TBXAS1: variants seen among roughly 807,000 people sequenced by gnomAD.
The protein encoded by TBXAS1 is thromboxane A synthase 1, also known as thromboxane-A synthase.
Under a neutral mutation model 60.7 loss-of-function variants are expected in TBXAS1, and 48 were observed. The observed-to-expected ratio is 0.79, with a 90% CI of 0.63 to 1.01. TBXAS1 has a LOEUF of 1.01. Among genes scored for constraint, TBXAS1 ranks in the 50% least tolerant of loss-of-function variants. The pLI is 0.00. For missense variants in TBXAS1, 685 were observed against 686.3 expected (o/e 1.00, Z 0.02); for synonymous variants, 287 against 269.7 (o/e 1.06, Z -0.63).
intron 11 of TBXAS1, chr7:140,016,483 C>A: frequency 3.8e-6 from 1 of 260,676 alleles, no homozygotes; most frequent in Non-Finnish European, 7.5e-6. Context: ...TCATTCAAGC[C>A]AGGACATGGG....
intron 9 of TBXAS1, among the ~76,000 whole-genome samples, chr7:139,969,736 CCA>C (rs1811056991): frequency 6.6e-6 from 1 of 152,092 alleles, no homozygotes. Context: ...GTCGGGCTAC[CCA>C]CAGTTGGTGA....
chr7:139,936,983 G>A (rs1391003446), intron 5 of TBXAS1, among the ~76,000 whole-genome samples: 1 of 152,114 alleles, frequency 6.6e-6, no homozygotes, highest in African/African-American at 2.4e-5. Context: ...TTTCCCTACT[G>A]AGTGACTCAC....
At chr7:139,781,720 A>T (rs988076821) in intron 2 of TBXAS1, among the ~76,000 whole-genome samples, 3 of 151,534 alleles carry the variant, frequency 2.0e-5, no homozygotes, top group African/African-American at 7.3e-5. Context: ...CTGTAATCCC[A>T]GCTACTTGGG....
chr7:139,998,989 T>G (rs939860483), intron 9 of TBXAS1, among the ~76,000 whole-genome samples: 9 of 152,234 alleles, frequency 5.9e-5, no homozygotes, highest in Non-Finnish European at 1.0e-4. Context: ...ATGGATGAAT[T>G]TCAACATCTA....
At chr7:139,820,716 T>C (rs535458096) in intron 4 of TBXAS1, among the ~76,000 whole-genome samples, 1 of 152,328 alleles carries the variant, frequency 6.6e-6, no homozygotes, top group East Asian at 1.9e-4. Flanking sequence ...TTATCTCTCC[T>C]GTGTAGGCCA....
chr7:139,857,231 C>T (rs1309811950), intron 1 of TBXAS1, among the ~76,000 whole-genome samples: 2 of 152,164 alleles, frequency 1.3e-5, no homozygotes, highest in African/African-American at 4.8e-5. Flanking sequence ...TGTCCCCTGA[C>T]ACATAAGGAA....
intron 4 of TBXAS1, among the ~76,000 whole-genome samples, chr7:139,793,281 A>G (rs1302309974): frequency 1.3e-5 from 2 of 152,076 alleles, no homozygotes; most frequent in East Asian, 1.9e-4. Context: ...TTAGCTGGAC[A>G]TGGTGGCGCA....
intron 9 of TBXAS1, among the ~76,000 whole-genome samples, chr7:139,989,318 ACT>A (rs757874216): frequency 2.6e-5 from 4 of 152,168 alleles, no homozygotes; most frequent in Non-Finnish European, 4.4e-5. Context: ...CCCAAATCAG[ACT>A]GCAAAGACAG....
At chr7:139,799,847 G>T (rs6950459) in intron 4 of TBXAS1, among the ~76,000 whole-genome samples, 1 of 152,064 alleles carries the variant, frequency 6.6e-6, no homozygotes, top group African/African-American at 2.4e-5. Flanking sequence ...AGTGTATGAG[G>T]TCTCCTAATT....
intron 4 of TBXAS1, among the ~76,000 whole-genome samples, chr7:139,804,025 C>T (rs966602308): frequency 6.6e-6 from 1 of 152,184 alleles, no homozygotes; most frequent in Non-Finnish European, 1.5e-5. Context: ...GAGAAGAAGG[C>T]CACCATCCTC....
chr7:139,848,805 C>T (rs1859569), intron 1 of TBXAS1, among the ~76,000 whole-genome samples: 39,011 of 151,904 alleles, frequency 0.26, 6,462 homozygotes, highest in African/African-American at 0.43. Flanking sequence ...TCCACTGTAG[C>T]GGGAGGCACT....
intron 3 of TBXAS1, among the ~76,000 whole-genome samples, chr7:139,889,990 T>C (rs1004330829): frequency 1.1e-4 from 16 of 152,196 alleles, no homozygotes; most frequent in African/African-American, 3.4e-4. Flanking sequence ...AGCTCCAGGG[T>C]AGGCCTGGAA....
At chr7:139,929,538 G>A (rs1807150204) in intron 4 of TBXAS1, among the ~76,000 whole-genome samples, 1 of 152,198 alleles carries the variant, frequency 6.6e-6, no homozygotes, top group African/African-American at 2.4e-5. Flanking sequence ...GCTTTATGAG[G>A]AAGTTAAGTT....
intron 4 of TBXAS1, among the ~76,000 whole-genome samples, chr7:139,810,916 C>A (rs945133887): frequency 6.6e-6 from 1 of 152,164 alleles, no homozygotes; most frequent in Non-Finnish European, 1.5e-5. Context: ...ACCACATATA[C>A]CCAAACTATG....
At chr7:139,892,604 A>AAACAAC (rs765241109) in intron 3 of TBXAS1, among the ~76,000 whole-genome samples, 9 of 152,148 alleles carry the variant, frequency 5.9e-5, no homozygotes, top group Middle Eastern at 3.4e-3. Flanking sequence ...GAAACAAAAC[A>AAACAAC]AACAACAACA....
At chr7:139,864,636 AT>A (rs1801218149) in intron 1 of TBXAS1, among the ~76,000 whole-genome samples, 1 of 151,414 alleles carries the variant, frequency 6.6e-6, no homozygotes, top group East Asian at 1.9e-4. Context: ...AAAGAGTGTG[AT>A]TTAGAGTTAT....
chr7:140,007,210 A>G lies in TBXAS1; in HGVS notation c.1226+28A>G, dbSNP rs201025648. 137 of 1,602,824 alleles carry G rather than the reference A, an allele frequency of 8.5e-5. 1 individual carries two copies. In the African/African-American group the frequency reaches 1.7e-3, roughly 20 times the overall value. On this transcript the variant is annotated intron_variant, in intron 10 of 12. Transcript: ENST00000448866. ...GTGTGGTAGCCCCCTCCCCTGCCCG[A>G]GTCCCCACCTCCTACCCCTACCCCC...
intron 10 of TBXAS1, among the ~76,000 whole-genome samples, chr7:140,010,040 A>G (rs111270584): frequency 0.14 from 8,194 of 57,706 alleles, 757 homozygotes; most frequent in African/African-American, 0.33. Context: ...ACACCTCCAC[A>G]CCCACACCAC....
At chr7:139,993,669 G>A (rs1490608257) in intron 9 of TBXAS1, among the ~76,000 whole-genome samples, 1 of 152,062 alleles carries the variant, frequency 6.6e-6, no homozygotes, top group Admixed American at 6.6e-5. Flanking sequence ...TCTCCTCCTG[G>A]ATTTTGTGGT....
Sources: allele counts gnomAD v4.1 joint callset (sites outside exome capture counted in the v4.1 genomes callset), GRCh38; gene constraint gnomAD v4.1.1; transcripts MANE v1.5; gene names NCBI Gene and HGNC (gene_info 2026-07-23, HGNC 2026-07-21).